Variants in ZFHX4 observed in about 807,000 individuals in gnomAD.
ZFHX4 encodes zinc finger homeobox 4.
In ZFHX4, 56 loss-of-function variants were observed where a neutral mutation model predicts 267.6. The ratio of observed to expected loss-of-function variants is 0.21; its 90% CI spans 0.17 to 0.26. The LOEUF (loss-of-function observed/expected upper bound fraction) is 0.26. Among genes scored for constraint, ZFHX4 ranks in the 10% least tolerant of loss-of-function variants. ZFHX4 has a pLI of 1.00. For synonymous variants in ZFHX4, 1,778 were observed against 1,665.6 expected (o/e 1.07, Z -1.64); for missense variants, 4,332 against 4,420.0 (o/e 0.98, Z 0.56).
At chr8:76,692,956 CATTT>C (rs1554549255) in intron 1 of ZFHX4, among the ~76,000 whole-genome samples, 1 of 152,116 alleles carries the variant, frequency 6.6e-6, no homozygotes, top group Non-Finnish European at 1.5e-5. Context: ...ATTTGAAGCA[CATTT>C]ATTTAAGACA....
At chr8:76,780,477 C>T (rs1585937487) in intron 4 of ZFHX4, among the ~76,000 whole-genome samples, 1 of 152,118 alleles carries the variant, frequency 6.6e-6, no homozygotes, top group Non-Finnish European at 1.5e-5. Flanking sequence ...TTTTAATAAC[C>T]TATGCCATAT....
chr8:76,777,803 A>T (rs1264715813), intron 3 of ZFHX4, among the ~76,000 whole-genome samples: 12 of 150,910 alleles, frequency 8.0e-5, no homozygotes, highest in Non-Finnish European at 4.4e-5. Flanking sequence ...ATCAAGAAGT[A>T]CCTCATTCAT....
At chr8:76,844,040 C>T (rs1036920539) in intron 6 of ZFHX4, among the ~76,000 whole-genome samples, 5 of 152,040 alleles carry the variant, frequency 3.3e-5, no homozygotes, top group Admixed American at 1.3e-4. Flanking sequence ...GGTATTAAGC[C>T]GCAAGCAATG....
intron 3 of ZFHX4, among the ~76,000 whole-genome samples, chr8:76,737,356 G>T (rs1809190969): frequency 6.6e-6 from 1 of 152,116 alleles, no homozygotes; most frequent in Admixed American, 6.6e-5. Context: ...CCATAAAATG[G>T]CCATAAGACA....
In ZFHX4 at chr8:76,853,967, C is replaced by T; in HGVS notation, c.7046C>T (p.Thr2349Ile). 2 of 1,613,808 alleles carry T rather than the reference C, an allele frequency of 1.2e-6. No homozygotes were observed. The highest frequency in any genetic ancestry group is 1.7e-6 in the Non-Finnish European group (2 of 1,179,840). The change falls in exon 10 of 11, where the codon ACA becomes ATA. Residue 2349 changes from threonine (T) to isoleucine (I), a missense_variant. Physicochemically the swap from Thr to Ile is moderately conservative, Grantham distance 89. Coordinates refer to ENST00000651372, the MANE Select transcript of ZFHX4 (RefSeq NM_024721.5). ...GATGATGCCCAAGATGAAAGCCAAACAGAAGACTCCATGGATGCCACTGAT... is the reference window on the plus strand; with the variant it reads ...GATGATGCCCAAGATGAAAGCCAAATAGAAGACTCCATGGATGCCACTGAT... ...EDDDAQDESQ[T>I]EDSMDATDQV... is the part of the protein sequence containing the mutation.
intron 10 of ZFHX4, among the ~76,000 whole-genome samples, chr8:76,862,234 A>AGTT (rs893924826): frequency 1.3e-5 from 2 of 152,158 alleles, no homozygotes; most frequent in African/African-American, 4.8e-5. Context: ...TTCCTCTAGG[A>AGTT]GTTATGCTGT....
At chr8:76,716,512 T>C (rs547959340) in intron 3 of ZFHX4, among the ~76,000 whole-genome samples, 3 of 152,222 alleles carry the variant, frequency 2.0e-5, no homozygotes, top group Non-Finnish European at 4.4e-5. Context: ...GCTGGAATTC[T>C]AACCTTGGCC....
At chr8:76,771,909 A>G (rs1272433526) in intron 3 of ZFHX4, among the ~76,000 whole-genome samples, 1 of 152,146 alleles carries the variant, frequency 6.6e-6, no homozygotes, top group East Asian at 1.9e-4. Context: ...TGACTTCCAA[A>G]TTTCTGGAAT....
At chr8:76,707,460 C>T (rs890921209) in intron 2 of ZFHX4, 86 bp from the exon 3 acceptor site, 36 of 1,257,926 alleles carry the variant, frequency 2.9e-5, no homozygotes, top group Non-Finnish European at 3.6e-5. Flanking sequence ...AAGCACATTC[C>T]TTGTCAAGAC....
intron 3 of ZFHX4, among the ~76,000 whole-genome samples, chr8:76,712,594 A>G (rs764677984): frequency 1.3e-5 from 2 of 152,208 alleles, no homozygotes; most frequent in Non-Finnish European, 2.9e-5. Context: ...ACACATTTAC[A>G]TAAAAGTCAT....
At chr8:76,812,502 A>T (rs978280989) in intron 4 of ZFHX4, among the ~76,000 whole-genome samples, 1 of 152,204 alleles carries the variant, frequency 6.6e-6, no homozygotes, top group East Asian at 1.9e-4. Flanking sequence ...TATTTGACAA[A>T]CTTAGGTTTT....
chr8:76,720,489 T>A (rs1319246675), intron 3 of ZFHX4, among the ~76,000 whole-genome samples: 1 of 152,160 alleles, frequency 6.6e-6, no homozygotes, highest in African/African-American at 2.4e-5. Context: ...ATACAAGGTT[T>A]TGTGTGGACA....
intron 3 of ZFHX4, among the ~76,000 whole-genome samples, chr8:76,764,704 A>G (rs1277490749): frequency 1.3e-5 from 2 of 152,152 alleles, no homozygotes; most frequent in African/African-American, 4.8e-5. Context: ...TTTTCACTCC[A>G]GCTGGTTTTC....
intron 4 of ZFHX4, among the ~76,000 whole-genome samples, chr8:76,799,602 C>T (rs1352704723): frequency 6.6e-6 from 1 of 152,146 alleles, no homozygotes; most frequent in African/African-American, 2.4e-5. Flanking sequence ...ATCTGTTTCA[C>T]TAGTCTAAGA....
chr8:76,689,385 G>A (rs1807769505), intron 1 of ZFHX4, among the ~76,000 whole-genome samples: 1 of 152,108 alleles, frequency 6.6e-6, no homozygotes, highest in Admixed American at 6.5e-5. Context: ...AAAGCCCAGG[G>A]TATTCTGATA....
At chr8:76,745,213 T>C (rs2131693332) in intron 3 of ZFHX4, among the ~76,000 whole-genome samples, 1 of 152,234 alleles carries the variant, frequency 6.6e-6, no homozygotes, top group Non-Finnish European at 1.5e-5. Flanking sequence ...TGAAGATTGA[T>C]CAGAATGCTC....
In ZFHX4 at chr8:76,704,207, C is replaced by G; in HGVS notation, c.119C>G (p.Pro40Arg). 1 of 1,613,934 alleles carries G rather than the reference C, an allele frequency of 6.2e-7. No homozygotes were observed. The highest frequency in any genetic ancestry group is 8.5e-7 in the Non-Finnish European group (1 of 1,179,874). The part of the protein sequence containing the change: ...EVPEKVAGME[P>R]DRENSSTDDN... ...CCAGAGAAAGTTGCAGGGATGGAGC[C>G]TGACAGGGAAAACAGCTCCACAGAT... is the stretch of plus-strand genomic sequence containing the variant. Residue 40 changes from proline (P) to arginine (R), a missense_variant, in exon 2 of 11, where the codon CCT becomes CGT. Pro to Arg is a moderately radical substitution (Grantham distance 103). This residue lies in a region of ZFHX4 where 1,195 missense variants were observed against 1,173.6 expected (regional missense o/e 1.02). Coordinates refer to ENST00000651372, the MANE Select transcript of ZFHX4 (RefSeq NM_024721.5).
chr8:76,835,173 T>C (rs1406904974), intron 5 of ZFHX4, among the ~76,000 whole-genome samples: 1 of 130,888 alleles, frequency 7.6e-6, no homozygotes, highest in Non-Finnish European at 1.6e-5. Context: ...TTTTGTATAG[T>C]TATGTCAACA....
intron 3 of ZFHX4, among the ~76,000 whole-genome samples, chr8:76,755,280 T>C (rs1809732768): frequency 6.6e-6 from 1 of 152,190 alleles, no homozygotes; most frequent in Admixed American, 6.5e-5. Context: ...GTTTCTTTGT[T>C]GGTAACTTAA....
Sources: allele counts gnomAD v4.1 joint callset (sites outside exome capture counted in the v4.1 genomes callset), GRCh38; gene constraint gnomAD v4.1.1; regional missense constraint gnomAD v4.1.1; transcripts MANE v1.5; gene names NCBI Gene and HGNC (gene_info 2026-07-23, HGNC 2026-07-21).